Variants in SGCZ observed in about 807,000 individuals in gnomAD.
The protein encoded by SGCZ is zeta-sarcoglycan.
In SGCZ, 40 loss-of-function variants were observed where a neutral mutation model predicts 41.3. The ratio of observed to expected loss-of-function variants is 0.97; its 90% CI spans 0.75 to 1.26. SGCZ has a LOEUF of 1.26. Among genes scored for constraint, SGCZ ranks in the 50% most tolerant of loss-of-function variants. The pLI is 0.00. For synonymous variants in SGCZ, 206 were observed against 137.5 expected (o/e 1.50, Z -3.49); for missense variants, 552 against 369.8 (o/e 1.49, Z -4.04).
At chr8:15,000,375 T>C (rs190976052) in intron 1 of SGCZ, among the ~76,000 whole-genome samples, 1 of 152,278 alleles carries the variant, frequency 6.6e-6, no homozygotes, top group East Asian at 1.9e-4. Context: ...GTCCTAGTGA[T>C]ATAGGAGTTA....
Position 14,527,610 on chromosome 8 carries a change from G to A in SGCZ, c.234+27122C>T, listed in dbSNP as rs574580799. Among the ~76,000 whole-genome samples, 112 of 152,096 alleles carry A rather than the reference G, an allele frequency of 7.4e-4. 1 individual carries two copies. The highest frequency in any genetic ancestry group is 2.5e-3 in the African/African-American group (102 of 41,486). ...ATGATGTCATTGTCATTATGCTGCT[G>A]GCAGTGGTAGCCACAAGGTACACAT... On this transcript the variant is annotated intron_variant, in intron 2 of 7. Transcript: ENST00000382080.
At chr8:15,152,788 T>C (rs1026008889) in intron 1 of SGCZ, among the ~76,000 whole-genome samples, 5 of 152,174 alleles carry the variant, frequency 3.3e-5, no homozygotes, top group African/African-American at 7.2e-5. Flanking sequence ...ACTAGTATTG[T>C]CTAGAGCAAA....
intron 1 of SGCZ, among the ~76,000 whole-genome samples, chr8:14,947,004 T>C (rs1206620844): frequency 6.6e-6 from 1 of 152,076 alleles, no homozygotes; most frequent in Non-Finnish European, 1.5e-5. Context: ...GTTTGAAACA[T>C]AAAAGGAACT....
chr8:14,255,045 G>A (rs1799411904), intron 3 of SGCZ, among the ~76,000 whole-genome samples: 1 of 152,226 alleles, frequency 6.6e-6, no homozygotes, highest in East Asian at 1.9e-4. Context: ...ATGGAGGTGG[G>A]TGGATGTCCT....
intron 1 of SGCZ, among the ~76,000 whole-genome samples, chr8:14,697,281 G>A (rs1166391417): frequency 2.0e-5 from 3 of 151,912 alleles, no homozygotes; most frequent in Non-Finnish European, 2.9e-5. Flanking sequence ...AATGACTCTT[G>A]GCAAATCTCT....
rs576332763 is a variant in SGCZ, at chr8:14,949,022, C to T, written c.39+288563G>A. ...CAGGCATATCCACAAAGATTCCCCT[C>T]ACATACTGCCAAATCACAATATCCA... On this transcript the variant is annotated intron_variant, in intron 1 of 7. Coordinates refer to ENST00000382080, the MANE Select transcript of SGCZ (RefSeq NM_139167.4). Among the ~76,000 whole-genome samples, 7 of 152,194 alleles carry T rather than the reference C, an allele frequency of 4.6e-5. No individual in the cohort carries two copies. The South Asian group carries it at 1.5e-3, about 32-fold the overall frequency.
At chr8:14,622,629 T>C (rs1294395962) in intron 1 of SGCZ, among the ~76,000 whole-genome samples, 1 of 152,158 alleles carries the variant, frequency 6.6e-6, no homozygotes, top group African/African-American at 2.4e-5. Flanking sequence ...AGAAGCCAGC[T>C]TAAAAAGTGA....
At chr8:15,122,745 T>A (rs1436277678) in intron 1 of SGCZ, among the ~76,000 whole-genome samples, 1 of 152,200 alleles carries the variant, frequency 6.6e-6, no homozygotes, top group African/African-American at 2.4e-5. Context: ...AATCAAACTC[T>A]CATAAATAAA....
intron 1 of SGCZ, among the ~76,000 whole-genome samples, chr8:15,090,845 C>T (rs944357428): frequency 2.0e-5 from 3 of 152,098 alleles, no homozygotes; most frequent in South Asian, 4.2e-4. Context: ...TTAATCTAAG[C>T]GGCTAGAAAA....
At chr8:14,259,308 A>G (rs1050342479) in intron 3 of SGCZ, among the ~76,000 whole-genome samples, 2 of 152,122 alleles carry the variant, frequency 1.3e-5, no homozygotes, top group Non-Finnish European at 2.9e-5. Context: ...GAAGCTCTTT[A>G]GTTTAATTAG....
intron 1 of SGCZ, among the ~76,000 whole-genome samples, chr8:15,003,704 G>T (rs1292581950): frequency 6.6e-6 from 1 of 152,060 alleles, no homozygotes; most frequent in African/African-American, 2.4e-5. Flanking sequence ...GATCCAACTG[G>T]AAATAAATCA....
At chr8:14,747,602 A>C (rs1299496411) in intron 1 of SGCZ, among the ~76,000 whole-genome samples, 2 of 151,814 alleles carry the variant, frequency 1.3e-5, no homozygotes, top group Non-Finnish European at 1.5e-5. Context: ...TTCAGATGAA[A>C]ACCATTAAAA....
intron 1 of SGCZ, among the ~76,000 whole-genome samples, chr8:14,788,999 T>C (rs769784816): frequency 3.9e-5 from 6 of 152,178 alleles, no homozygotes; most frequent in Non-Finnish European, 7.3e-5. Context: ...TATATGTCCT[T>C]CTGTTCGAAA....
At chr8:14,626,608 C>G (rs76232034) in intron 1 of SGCZ, among the ~76,000 whole-genome samples, 1,634 of 152,166 alleles carry the variant, frequency 0.011, 24 homozygotes, top group African/African-American at 0.038. Context: ...ACATGACTGA[C>G]TGGTGTCCTC....
At chr8:14,664,874 A>G (rs1294027328) in intron 1 of SGCZ, among the ~76,000 whole-genome samples, 3 of 152,144 alleles carry the variant, frequency 2.0e-5, no homozygotes, top group Non-Finnish European at 2.9e-5. Flanking sequence ...GCTCTCTGAC[A>G]TATGGATTGT....
At chr8:14,622,706 C>A (rs7461463) in intron 1 of SGCZ, among the ~76,000 whole-genome samples, 1 of 151,980 alleles carries the variant, frequency 6.6e-6, no homozygotes, top group Non-Finnish European at 1.5e-5. Context: ...AAGGATGACA[C>A]AATGACATTA....
chr8:14,763,675 A>C (rs1799955130), intron 1 of SGCZ, among the ~76,000 whole-genome samples: 1 of 152,214 alleles, frequency 6.6e-6, no homozygotes. Flanking sequence ...AATACCATAG[A>C]GGAGGTAGGA....
At chr8:14,822,837 G>C (rs1025001376) in intron 1 of SGCZ, among the ~76,000 whole-genome samples, 1 of 151,902 alleles carries the variant, frequency 6.6e-6, no homozygotes, top group African/African-American at 2.4e-5. Context: ...TGAATTCAAG[G>C]CTTCAGCGCA....
chr8:14,681,279 T>C (rs891401653), intron 1 of SGCZ, among the ~76,000 whole-genome samples: 1 of 152,126 alleles, frequency 6.6e-6, no homozygotes, highest in African/African-American at 2.4e-5. Context: ...GGAATTACTG[T>C]AGATGTATAA....
Sources: gnomAD v4.1 joint callset for allele counts (sites outside exome capture counted in the v4.1 genomes callset) on GRCh38, gnomAD v4.1.1 for gene constraint, MANE v1.5 for transcripts, NCBI Gene and HGNC (gene_info 2026-07-23, HGNC 2026-07-21) for gene names.